The following NLGN4X variants were observed in gnomAD, a reference collection of about 807,000 sequenced individuals.
The protein encoded by NLGN4X is neuroligin-4, X-linked.
A neutral mutation model predicts 40.3 loss-of-function variants in NLGN4X; 3 were observed. The observed-to-expected ratio is 0.07, with a 90% CI of 0.03 to 0.19. The LOEUF is 0.19. NLGN4X is among the 10% of genes least tolerant of loss of function. The pLI, the probability that NLGN4X is intolerant of heterozygous loss-of-function variation, is 1.00. For missense variants in NLGN4X, 382 were observed against 708.3 expected (o/e 0.54, Z 5.23); for synonymous variants, 270 against 306.8 (o/e 0.88, Z 1.25).
Position 6,148,200 on chromosome X carries a change from T to C in NLGN4X, c.472+2795A>G, listed in dbSNP as rs770568312. On this transcript the variant is annotated intron_variant, in intron 2 of 5. Coordinates refer to ENST00000381095, the MANE Select transcript of NLGN4X (RefSeq NM_181332.3). Reference sequence around the variant, plus strand: ...TACACATTTTATGAAAGTAGAAACATAGAAATTTGAGCCAATCTGATCAAG... The same window carrying C: ...TACACATTTTATGAAAGTAGAAACACAGAAATTTGAGCCAATCTGATCAAG... Among the ~76,000 whole-genome samples the C allele has an allele frequency of 4.6e-3, 514 of 112,266 alleles. 5 individuals are homozygous for C. Among genetic ancestry groups the C allele is most frequent in the African/African-American group, 0.016 (495 of 30,934 alleles).
intron 1 of NLGN4X, among the ~76,000 whole-genome samples, chrX:6,164,620 CTA>C (rs1243489272): frequency 9.9e-5 from 11 of 111,492 alleles, no homozygotes; most frequent in Non-Finnish European, 1.9e-4. Context: ...GAGTGTATCT[CTA>C]TGTCTCTTAC....
At chrX:6,219,473 CCTTCTCTCCTTCCCTT>C (rs1319399241) in intron 1 of NLGN4X, among the ~76,000 whole-genome samples, 8 of 103,707 alleles carry the variant, frequency 7.7e-5, no homozygotes, top group Non-Finnish European at 1.6e-4. Flanking sequence ...CTCCTTCCCT[CCTTCTCTCCTTCCCTT>C]CGATCTATCA....
rs778486836 is a variant in NLGN4X, at chrX:5,921,909, C to T, written c.626-12670G>A. On this transcript the variant is annotated intron_variant, in intron 3 of 5. Transcript: ENST00000381095. ...GTGACACATAATGGGAAGGGTCTGTCTTTAGTGAGGCGGTCTCAGGCTTTC... is the reference window on the plus strand; with the variant it reads ...GTGACACATAATGGGAAGGGTCTGTTTTTAGTGAGGCGGTCTCAGGCTTTC... Among the ~76,000 whole-genome samples, 3 of 111,021 alleles carry T rather than the reference C, an allele frequency of 2.7e-5. No individual in the cohort carries two copies. The South Asian group carries it at 1.2e-3, about 43-fold the overall frequency.
intron 3 of NLGN4X, among the ~76,000 whole-genome samples, chrX:6,017,744 C>A (rs761125664): frequency 5.4e-4 from 60 of 111,946 alleles, no homozygotes; most frequent in African/African-American, 1.7e-3. Context: ...TGCCAGGCAG[C>A]GGTCTGTAGC....
chrX:5,912,497 C>A (rs2032527980), intron 3 of NLGN4X, among the ~76,000 whole-genome samples: 1 of 111,264 alleles, frequency 9.0e-6, no homozygotes, highest in Non-Finnish European at 1.9e-5. Flanking sequence ...TTATCTATTG[C>A]AATTCTTCTG....
intron 2 of NLGN4X, among the ~76,000 whole-genome samples, chrX:6,129,164 T>C (rs1365139659): frequency 8.9e-6 from 1 of 112,087 alleles, no homozygotes; most frequent in Non-Finnish European, 1.9e-5. Context: ...AATCTTCCTT[T>C]CAAAGAGAAA....
intron 3 of NLGN4X, among the ~76,000 whole-genome samples, chrX:5,947,486 C>T (rs187385005): frequency 2.2e-4 from 25 of 111,658 alleles, no homozygotes; most frequent in Non-Finnish European, 3.4e-4. Flanking sequence ...GTTTAGAATT[C>T]GTTAAAAATT....
intron 3 of NLGN4X, among the ~76,000 whole-genome samples, chrX:5,933,135 G>A (rs984043310): frequency 4.5e-5 from 5 of 110,615 alleles, no homozygotes; most frequent in Non-Finnish European, 9.5e-5. Context: ...TAAAAAAAAA[G>A]ATCAAAAAGA....
At chrX:6,060,429 C>T (rs2037740851) in intron 2 of NLGN4X, among the ~76,000 whole-genome samples, 1 of 111,577 alleles carries the variant, frequency 9.0e-6, no homozygotes, top group Non-Finnish European at 1.9e-5. Flanking sequence ...ACCCAGCATG[C>T]ATCCGCCTCA....
intron 3 of NLGN4X, among the ~76,000 whole-genome samples, chrX:5,958,093 T>A (rs1249832040): frequency 9.0e-6 from 1 of 111,728 alleles, no homozygotes; most frequent in Non-Finnish European, 1.9e-5. Flanking sequence ...GTGTAGGACA[T>A]CTGATGGACA....
At chrX:5,983,979 G>T (rs911717001) in intron 3 of NLGN4X, among the ~76,000 whole-genome samples, 31 of 110,751 alleles carry the variant, frequency 2.8e-4, no homozygotes, top group African/African-American at 8.2e-4. Context: ...ATAAAATAGA[G>T]AGTTAGAAAT....
intron 3 of NLGN4X, among the ~76,000 whole-genome samples, chrX:5,913,274 G>A (rs979425189): frequency 9.0e-6 from 1 of 111,114 alleles, no homozygotes; most frequent in Non-Finnish European, 1.9e-5. Context: ...TAAACCACTG[G>A]GTTTTGCCTC....
intron 2 of NLGN4X, among the ~76,000 whole-genome samples, chrX:6,138,815 G>A (rs938061350): frequency 9.0e-6 from 1 of 110,706 alleles, no homozygotes; most frequent in African/African-American, 3.3e-5. Flanking sequence ...TGTGATTAAA[G>A]TCTAAGTTGA....
At chrX:5,923,182 G>A (rs935962570) in intron 3 of NLGN4X, among the ~76,000 whole-genome samples, 4 of 111,827 alleles carry the variant, frequency 3.6e-5, no homozygotes, top group African/African-American at 6.5e-5. Context: ...GCGCCATCTC[G>A]GCTCACTGCA....
At chrX:6,135,197 C>A (rs2039785626) in intron 2 of NLGN4X, among the ~76,000 whole-genome samples, 1 of 111,659 alleles carries the variant, frequency 9.0e-6, no homozygotes, top group South Asian at 3.7e-4. Flanking sequence ...AGGAGTGTCC[C>A]AGGAGGGTGA....
At chrX:6,010,545 T>TATTATTATTATTATTATTA (rs1569184098) in intron 3 of NLGN4X, among the ~76,000 whole-genome samples, 2 of 105,553 alleles carry the variant, frequency 1.9e-5, no homozygotes, top group Non-Finnish European at 3.9e-5. Flanking sequence ...TTATTATTAT[T>TATTATTATTATTATTATTA]TTAGACGAAG....
intron 2 of NLGN4X, among the ~76,000 whole-genome samples, chrX:6,078,485 G>A (rs1279417306): frequency 2.7e-5 from 3 of 111,023 alleles, no homozygotes; most frequent in Non-Finnish European, 3.8e-5. Context: ...CTAGCAACTC[G>A]CTACCGAGTA....
At chrX:6,212,167 A>G (rs1013857582) in intron 1 of NLGN4X, among the ~76,000 whole-genome samples, 1 of 109,032 alleles carries the variant, frequency 9.2e-6, no homozygotes, top group Admixed American at 9.9e-5. Flanking sequence ...AATGGCTTGA[A>G]CCAGGAGGTG....
chrX:6,161,856 A>G (rs2040408021), intron 1 of NLGN4X, among the ~76,000 whole-genome samples: 1 of 111,434 alleles, frequency 9.0e-6, no homozygotes. Context: ...AGAGATTTAT[A>G]TAGATACAAT....
Sources: allele counts gnomAD v4.1 joint callset (sites outside exome capture counted in the v4.1 genomes callset), GRCh38; gene constraint gnomAD v4.1.1; transcripts MANE v1.5; gene names NCBI Gene and HGNC (gene_info 2026-07-23, HGNC 2026-07-21).